The following GALNT17 variants were observed in gnomAD, a reference collection of about 807,000 sequenced individuals.
The protein encoded by GALNT17 is UDP-GalNAc:polypeptide N-acetylgalactosaminyltransferase-like 3.
In GALNT17, 29 loss-of-function variants were observed where a neutral mutation model predicts 63.7. The ratio of observed to expected loss-of-function variants is 0.46; its 90% CI spans 0.34 to 0.62. GALNT17 has a LOEUF of 0.62. Ranked by LOEUF, GALNT17 falls within the 20% of genes least tolerant of loss-of-function variation. The pLI is 0.01. For missense variants in GALNT17, 603 were observed against 799.6 expected (o/e 0.75, Z 2.97); for synonymous variants, 305 against 318.3 (o/e 0.96, Z 0.45).
intron 6 of GALNT17, among the ~76,000 whole-genome samples, chr7:71,585,380 T>C (rs1156232333): frequency 6.6e-6 from 1 of 152,204 alleles, no homozygotes. Context: ...CATTAGGGCC[T>C]ACGGAATGGT....
intron 1 of GALNT17, among the ~76,000 whole-genome samples, chr7:71,142,048 T>TGTGTGTGTG (rs1787906800): frequency 1.3e-5 from 1 of 74,766 alleles, no homozygotes; most frequent in Non-Finnish European, 2.6e-5. Flanking sequence ...GTGTGTGTGT[T>TGTGTGTGTG]TAGTAGAGAT....
intron 5 of GALNT17, among the ~76,000 whole-genome samples, chr7:71,500,214 C>T (rs1563138687): frequency 6.6e-6 from 1 of 152,174 alleles, no homozygotes; most frequent in Non-Finnish European, 1.5e-5. Flanking sequence ...CCGCCTTGCC[C>T]TGTCTCCCTT....
At chr7:71,538,205 T>C (rs1788831048) in intron 5 of GALNT17, among the ~76,000 whole-genome samples, 2 of 152,216 alleles carry the variant, frequency 1.3e-5, no homozygotes, top group South Asian at 4.1e-4. Flanking sequence ...GTTAAAGATA[T>C]TTAAGATGAA....
At chr7:71,457,281 T>C (rs139577336) in intron 5 of GALNT17, among the ~76,000 whole-genome samples, 7 of 152,228 alleles carry the variant, frequency 4.6e-5, no homozygotes, top group Non-Finnish European at 8.8e-5. Flanking sequence ...TTTTAAGCTA[T>C]CTTATTTAGG....
At position 71,575,391 on chromosome 7, in the gene GALNT17, G is replaced by GGT. The variant is rs1562697144; in HGVS notation, c.1080+3989_1080+3990insGT. 4.9e-3 allele frequency among the ~76,000 whole-genome samples: 266 copies of GGT among 54,108 alleles called. 1 individual carries two copies. The highest frequency in any genetic ancestry group is 0.021 in the African/African-American group (250 of 12,092). 35.5% of individuals were successfully genotyped at this position (54,108 alleles called of 152,430 possible). On this transcript the variant is annotated intron_variant, in intron 6 of 10. Transcript: ENST00000333538. ...TTTAACATGAGAACACTATTTTCTTGATTTTTTTTTTTTTTTGAGACAGAG... is the reference window on the plus strand; with the variant it reads ...TTTAACATGAGAACACTATTTTCTTGGTATTTTTTTTTTTTTTTGAGACAGAG...
chr7:71,609,448 G>A (rs1301187201), intron 6 of GALNT17, among the ~76,000 whole-genome samples: 1 of 152,198 alleles, frequency 6.6e-6, no homozygotes, highest in Non-Finnish European at 1.5e-5. Context: ...CAACAAGAAA[G>A]TAGACATTGT....
chr7:71,134,835 GTTTTTTTTTTTTTTTTTTTT>G (rs561383417), intron 1 of GALNT17, among the ~76,000 whole-genome samples: 1 of 57,888 alleles, frequency 1.7e-5, no homozygotes, highest in Non-Finnish European at 2.9e-5. Context: ...TTGTTTTATG[GTTTTTTTTTTTTTTTTTTTT>G]TTTTTTTTTT....
intron 1 of GALNT17, among the ~76,000 whole-genome samples, chr7:71,253,298 CAA>C (rs766942047): frequency 7.2e-5 from 11 of 152,104 alleles, no homozygotes; most frequent in Non-Finnish European, 1.3e-4. Flanking sequence ...TCTTACATGA[CAA>C]GAGAGAATAA....
intron 4 of GALNT17, 137 bp from the exon 5 acceptor site, chr7:71,420,771 G>T: frequency 1.0e-6 from 1 of 989,074 alleles, no homozygotes; most frequent in Non-Finnish European, 1.5e-6. Flanking sequence ...GTCCCTGGGA[G>T]CCTCAGTTTG....
chr7:71,350,113 T>C (rs935523001), intron 2 of GALNT17, among the ~76,000 whole-genome samples: 4 of 152,134 alleles, frequency 2.6e-5, no homozygotes, highest in Non-Finnish European at 5.9e-5. Context: ...TGGATAAAAT[T>C]GATGGAAATT....
At chr7:71,134,197 T>G (rs1217687119) in intron 1 of GALNT17, among the ~76,000 whole-genome samples, 1 of 152,030 alleles carries the variant, frequency 6.6e-6, no homozygotes, top group Non-Finnish European at 1.5e-5. Flanking sequence ...AATAATAGAG[T>G]CTGGAGTCAG....
Position 71,335,599 on chromosome 7 carries a change from A to T in GALNT17, c.288A>T (p.Lys96Asn), listed in dbSNP as rs555331182. ...GLIEGYGGRG[K>N]GGLPATLSPA... ...TTGAAGGTTATGGTGGGCGGGGTAAAGGGGGCCTTCCGGCTACTCTTTCCC... is the reference window on the plus strand; with the variant it reads ...TTGAAGGTTATGGTGGGCGGGGTAATGGGGGCCTTCCGGCTACTCTTTCCC... Residue 96 changes from lysine (K) to asparagine (N), a missense_variant, in exon 2 of 11, where the codon AAA becomes AAT. Physicochemically the swap from Lys to Asn is moderately conservative, Grantham distance 94. Transcript: ENST00000333538. 6.2e-7 allele frequency: 1 copy of T among 1,612,430 alleles called. No homozygotes were observed. The highest frequency in any genetic ancestry group is 8.5e-7 in the Non-Finnish European group (1 of 1,179,230).
chr7:71,289,162 G>A (rs941762686), intron 1 of GALNT17, among the ~76,000 whole-genome samples: 1 of 145,042 alleles, frequency 6.9e-6, no homozygotes, highest in African/African-American at 2.5e-5. Context: ...TGGAGCATGT[G>A]TTTAAGGTTA....
intron 1 of GALNT17, among the ~76,000 whole-genome samples, chr7:71,207,071 A>T (rs1585881538): frequency 6.6e-6 from 1 of 151,650 alleles, no homozygotes; most frequent in African/African-American, 2.4e-5. Flanking sequence ...GTGCCACTGC[A>T]CTCCAGCCTG....
chr7:71,621,505 G>GGATT (rs1790290151), intron 6 of GALNT17, among the ~76,000 whole-genome samples: 1 of 101,388 alleles, frequency 9.9e-6, no homozygotes, highest in African/African-American at 3.5e-5. Context: ...ATGGATAGAT[G>GGATT]GATGGATGGA....
chr7:71,509,832 A>G (rs1164162788), intron 5 of GALNT17, among the ~76,000 whole-genome samples: 1 of 152,228 alleles, frequency 6.6e-6, no homozygotes, highest in African/African-American at 2.4e-5. Flanking sequence ...AACGGGATGC[A>G]GCATCCTTCA....
intron 2 of GALNT17, among the ~76,000 whole-genome samples, chr7:71,354,931 C>A (rs1425110303): frequency 6.6e-6 from 1 of 152,120 alleles, no homozygotes; most frequent in African/African-American, 2.4e-5. Flanking sequence ...GGCAAATTGC[C>A]TTTCCCTAGG....
At chr7:71,376,565 A>ATG (rs143746663) in intron 2 of GALNT17, among the ~76,000 whole-genome samples, 14 of 148,406 alleles carry the variant, frequency 9.4e-5, no homozygotes, top group South Asian at 4.3e-4. Context: ...GTGTGTGTGT[A>ATG]TGTGTGTGTG....
intron 5 of GALNT17, among the ~76,000 whole-genome samples, chr7:71,465,570 G>C (rs1203392268): frequency 2.6e-5 from 4 of 152,212 alleles, no homozygotes; most frequent in African/African-American, 9.6e-5. Context: ...TGCATGGGAA[G>C]CCACAGAAGA....
Sources: allele counts gnomAD v4.1 joint callset (sites outside exome capture counted in the v4.1 genomes callset), GRCh38; gene constraint gnomAD v4.1.1; transcripts MANE v1.5; gene names NCBI Gene and HGNC (gene_info 2026-07-23, HGNC 2026-07-21).